The following SAMD5 variants were observed in gnomAD, a reference collection of about 807,000 sequenced individuals.
The protein encoded by SAMD5 is sterile alpha motif domain-containing protein 5.
SAMD5 carries 13 observed loss-of-function variants against 11.3 expected under a neutral mutation model. The observed-to-expected ratio is 1.15, with a 90% confidence interval of 0.75 to 1.83. The LOEUF is 1.83. Ranked by LOEUF, SAMD5 falls within the 40% of genes most tolerant of loss-of-function variation. The pLI is 0.00. For missense variants in SAMD5, 255 were observed against 239.1 expected, an observed-to-expected ratio of 1.07 and a Z score of -0.44; for synonymous variants, 129 against 111.3, an observed-to-expected ratio of 1.16 and a Z score of -1.00.
At chr6:147,778,146 T>C in the SAMD5 span, among the ~76,000 whole-genome samples, 4 of 152,192 alleles carry the variant, frequency 2.6e-5, no homozygotes, top group Admixed American at 1.3e-4. Flanking sequence ...TTTTTTATAG[T>C]AGCCAACCCA....
rs1311192868 is a variant in SAMD5, at chr6:147,565,605, G to A, written c.*1149G>A. On this transcript the variant is annotated 3_prime_UTR_variant, in exon 2 of 2. Coordinates refer to ENST00000367474, the MANE Select transcript of SAMD5 (RefSeq NM_001030060.3). ...TCTTGGTAGCTGGGATTACAGGCAC[G>A]CATCACCACACCCAGCTAATTTTTT... 1 of 398,984 alleles carries A rather than the reference G, an allele frequency of 2.5e-6. No individual in the cohort carries two copies. Among genetic ancestry groups the A allele is most frequent in the Non-Finnish European group, 3.4e-6 (1 of 294,408 alleles). The allele number at this position is 398,984 out of a possible 1,614,324, so 24.7% of individuals were successfully genotyped here. A position where few individuals can be genotyped will look rare whatever the true frequency, so the allele number is the denominator to read the frequency against.
chr6:147,666,050 C>T (rs530164728), intron 1 of SAMD5, among the ~76,000 whole-genome samples: 23 of 152,150 alleles, frequency 1.5e-4, no homozygotes, highest in Middle Eastern at 3.4e-3. Context: ...ACGATTCTCC[C>T]GCCTCGGCCT....
At chr6:147,918,622 T>C in the SAMD5 span, among the ~76,000 whole-genome samples, 1 of 151,636 alleles carries the variant, frequency 6.6e-6, no homozygotes, top group African/African-American at 2.4e-5. Flanking sequence ...AAAATCTCCT[T>C]AAGCTGATAA....
At chr6:147,828,568 G>A in the SAMD5 span, among the ~76,000 whole-genome samples, 97 of 152,292 alleles carry the variant, frequency 6.4e-4, no homozygotes, top group Middle Eastern at 3.4e-3. Flanking sequence ...TAACCTCTGA[G>A]CCTATGTCTT....
At chr6:147,794,636 C>T in the SAMD5 span, among the ~76,000 whole-genome samples, 1 of 151,790 alleles carries the variant, frequency 6.6e-6, no homozygotes, top group African/African-American at 2.4e-5. Context: ...GAACTTTTAC[C>T]GATTTCTCCA....
At chr6:147,814,249 T>C in the SAMD5 span, among the ~76,000 whole-genome samples, 1 of 152,172 alleles carries the variant, frequency 6.6e-6, no homozygotes, top group Non-Finnish European at 1.5e-5. Context: ...GTTTTTTAAG[T>C]AAATGTATGT....
chr6:147,819,300 G>A, the SAMD5 span, among the ~76,000 whole-genome samples: 5 of 152,086 alleles, frequency 3.3e-5, no homozygotes, highest in Non-Finnish European at 7.4e-5. Flanking sequence ...CACAAAGAGG[G>A]GAACAACACA....
intron 1 of SAMD5, among the ~76,000 whole-genome samples, chr6:147,637,465 T>C (rs1790246124): frequency 6.6e-6 from 1 of 152,196 alleles, no homozygotes. Context: ...AAATACCTTC[T>C]ATAAACAGAC....
intron 1 of SAMD5, among the ~76,000 whole-genome samples, chr6:147,523,603 A>G (rs1249724681): frequency 6.6e-6 from 1 of 152,208 alleles, no homozygotes; most frequent in African/African-American, 2.4e-5. Context: ...CAAAAATAGT[A>G]CTGTGTTAAG....
At chr6:147,633,608 CCAACATA>C (rs1790183295) in intron 1 of SAMD5, among the ~76,000 whole-genome samples, 1 of 151,890 alleles carries the variant, frequency 6.6e-6, no homozygotes, top group African/African-American at 2.4e-5. Flanking sequence ...CCTCTGGAGA[CCAACATA>C]CAACATACAA....
At chr6:147,746,825 G>T in the SAMD5 span, among the ~76,000 whole-genome samples, 1 of 152,194 alleles carries the variant, frequency 6.6e-6, no homozygotes, top group Non-Finnish European at 1.5e-5. Flanking sequence ...TAAAGCAGGG[G>T]TCACTAGGCG....
intron 1 of SAMD5, among the ~76,000 whole-genome samples, chr6:147,688,316 A>G (rs1791047257): frequency 1.3e-5 from 2 of 152,080 alleles, no homozygotes; most frequent in South Asian, 4.2e-4. Context: ...TTTGTCACCT[A>G]ATATTCTTGG....
chr6:147,890,460 G>A, the SAMD5 span, among the ~76,000 whole-genome samples: 20 of 151,464 alleles, frequency 1.3e-4, no homozygotes, highest in East Asian at 3.9e-3. Flanking sequence ...CTGGATTCAA[G>A]CAATTCTCCT....
chr6:147,804,109 ATC>A, the SAMD5 span, among the ~76,000 whole-genome samples: 7 of 139,734 alleles, frequency 5.0e-5, no homozygotes, highest in South Asian at 1.4e-3. Flanking sequence ...TTTTGAAGAT[ATC>A]TTTTTTTTTT....
chr6:147,786,120 C>A, the SAMD5 span, among the ~76,000 whole-genome samples: 1 of 152,124 alleles, frequency 6.6e-6, no homozygotes, highest in Non-Finnish European at 1.5e-5. Context: ...TTTTGAGTTC[C>A]GCAAAATGTC....
At chr6:147,826,000 T>C in the SAMD5 span, among the ~76,000 whole-genome samples, 1 of 152,258 alleles carries the variant, frequency 6.6e-6, no homozygotes, top group Non-Finnish European at 1.5e-5. Context: ...TCTTCAGGCT[T>C]TGAACAAAAA....
At position 147,600,764 on chromosome 6, in the gene SAMD5, T is replaced by C. The variant is rs559673642; in HGVS notation, c.162+91377T>C. Among the ~76,000 whole-genome samples the C allele has an allele frequency of 2.6e-5, 4 of 152,302 alleles. No homozygotes were observed. The East Asian group carries it at 5.8e-4, about 22-fold the overall frequency. ...ATGTTCTGTCGGATGGTAATAGGAA[T>C]CTTCAAGAGACTTTGAGAAAGCAGA... is the stretch of plus-strand genomic sequence containing the variant. On this transcript the variant is annotated intron_variant, in intron 1 of 1. Coordinates refer to the SAMD5 transcript ENST00000566741.
the SAMD5 span, among the ~76,000 whole-genome samples, chr6:147,814,343 C>A: frequency 1.3e-5 from 2 of 151,852 alleles, no homozygotes; most frequent in Non-Finnish European, 2.9e-5. Flanking sequence ...TCGATGTTTC[C>A]CTTTAGACAG....
At chr6:147,713,688 A>G (rs538999651) in intron 1 of SAMD5, among the ~76,000 whole-genome samples, 4 of 152,206 alleles carry the variant, frequency 2.6e-5, no homozygotes, top group Non-Finnish European at 4.4e-5. Context: ...TGGCTTGTAC[A>G]CAGAGTATGG....
Sources: gnomAD v4.1 joint callset for allele counts (sites outside exome capture counted in the v4.1 genomes callset) on GRCh38, gnomAD v4.1.1 for gene constraint, MANE v1.5 for transcripts, NCBI Gene and HGNC (gene_info 2026-07-23, HGNC 2026-07-21) for gene names.